MACF1: variants seen among roughly 807,000 people sequenced by gnomAD.
The protein encoded by MACF1 is microtubule-actin cross-linking factor 1.
A neutral mutation model predicts 854.8 loss-of-function variants in MACF1; 193 were observed. That is an observed-to-expected ratio of 0.23 (90% CI 0.20 to 0.25). The LOEUF (loss-of-function observed/expected upper bound fraction) is 0.25. MACF1 is among the 10% of genes least tolerant of loss of function. The pLI is 1.00. For synonymous variants in MACF1, 3,185 were observed against 3,226.7 expected (o/e 0.99, Z 0.44); for missense variants, 7,722 against 8,929.1 (o/e 0.86, Z 5.45).
intron 72 of MACF1, 90 bp downstream of exon 72, chr1:39,439,590 G>T: frequency 9.9e-7 from 1 of 1,014,642 alleles, no homozygotes. Flanking sequence ...TAACTGCTTA[G>T]CCAGGCTGAG....
At position 39,337,313 on chromosome 1, in the gene MACF1, T is replaced by A. The variant is rs1191392056; in HGVS notation, c.10197T>A (p.Asp3399Glu). 6.2e-7 allele frequency: 1 copy of A among 1,614,032 alleles called. No individual in the cohort carries two copies. The highest frequency in any genetic ancestry group is 8.5e-7 in the Non-Finnish European group (1 of 1,179,962). The change falls in exon 38 of 101, where the codon GAT (aspartate) becomes GAA (glutamate). Residue 3399 changes from aspartate to glutamate, a missense_variant. By Grantham distance (45) the Asp-to-Glu change is conservative. Transcript: ENST00000564288. ...PLELNLAELQDLLCQAKVLER... is the reference protein window; with the variant it reads ...PLELNLAELQELLCQAKVLER... ...AGCTAAACCTGGCAGAACTACAGGA[T>A]CTGCTGTGTCAGGCCAAGGTAGGTT... is the stretch of plus-strand genomic sequence containing the variant.
chr1:39,425,301 A>G (rs1439629420), intron 61 of MACF1, among the ~76,000 whole-genome samples: 2 of 152,138 alleles, frequency 1.3e-5, no homozygotes, highest in African/African-American at 4.8e-5. Flanking sequence ...CTAGGTGTAT[A>G]GAGATAGCTT....
chr1:39,231,552 T>C (rs541289769), intron 2 of MACF1, among the ~76,000 whole-genome samples: 1 of 152,188 alleles, frequency 6.6e-6, no homozygotes, highest in Non-Finnish European at 1.5e-5. Context: ...GCATGGAAAC[T>C]TGTATTAATC....
chr1:39,424,506 G>C (rs1557647365), intron 61 of MACF1, among the ~76,000 whole-genome samples: 1 of 152,104 alleles, frequency 6.6e-6, no homozygotes, highest in Non-Finnish European at 1.5e-5. Context: ...TATTTTCTGA[G>C]TTTTTCAAAC....
At chr1:39,277,618 CT>C (rs1051189425) in intron 6 of MACF1, among the ~76,000 whole-genome samples, 3 of 152,108 alleles carry the variant, frequency 2.0e-5, no homozygotes, top group African/African-American at 7.2e-5. Flanking sequence ...AGCATGTCTT[CT>C]TTTTTTGTTT....
intron 80 of MACF1, among the ~76,000 whole-genome samples, chr1:39,446,285 T>C (rs1644228302): frequency 6.7e-6 from 1 of 149,876 alleles, no homozygotes; most frequent in South Asian, 2.1e-4. Flanking sequence ...ATAAATTAGA[T>C]ATAAAAGTAT....
intron 2 of MACF1, among the ~76,000 whole-genome samples, chr1:39,138,898 C>T (rs1352770952): frequency 2.0e-5 from 3 of 152,124 alleles, no homozygotes; most frequent in African/African-American, 7.2e-5. Context: ...CTCCTGACCT[C>T]AGGTGATCCA....
Position 39,422,515 on chromosome 1 carries a change from T to C in MACF1, c.15958T>C (p.Trp5320Arg), listed in dbSNP as rs1215819714. The C allele has an allele frequency of 6.2e-7, 1 of 1,611,942 alleles. No individual in the cohort carries two copies. The highest frequency in any genetic ancestry group is 8.5e-7 in the Non-Finnish European group (1 of 1,178,766). Residue 5320 changes from tryptophan (W) to arginine (R), a missense_variant, in exon 59 of 101, where the codon TGG becomes CGG. Trp to Arg is a moderately radical substitution (Grantham distance 101, BLOSUM62 -3). Coordinates refer to ENST00000564288, the MANE Select transcript of MACF1 (RefSeq NM_001394062.1). The stretch of plus-strand genomic sequence containing the variant: ...TGACATGGAAGAGATCAATGCTCGA[T>C]GGAATACATTGAATAAAAAGGTGAG... ...EHDMEEINAR[W>R]NTLNKKVAQR...
chr1:39,344,357 G>A (rs1293108834), intron 40 of MACF1, among the ~76,000 whole-genome samples: 14 of 151,810 alleles, frequency 9.2e-5, no homozygotes, highest in Admixed American at 4.6e-4. Context: ...GCTTGAACCC[G>A]GGAGGTGGAG....
intron 6 of MACF1, among the ~76,000 whole-genome samples, chr1:39,271,902 A>G (rs1443985485): frequency 2.0e-5 from 3 of 152,228 alleles, no homozygotes; most frequent in Non-Finnish European, 2.9e-5. Context: ...AAAGATTGTT[A>G]GGAGAAACCT....
rs1015052596 is a variant in MACF1, at chr1:39,156,218, A to G, written c.220+71780A>G. Among the ~76,000 whole-genome samples, 18 of 151,980 alleles carry G rather than the reference A, an allele frequency of 1.2e-4. No homozygotes were observed. The South Asian group carries it at 1.5e-3, about 12-fold the overall frequency. On this transcript the variant is annotated intron_variant, in intron 2 of 93. Coordinates refer to the MACF1 transcript ENST00000361689. ...GAGATGGGGTTTCACCATGTTGGCC[A>G]GGCTGGTCTCGAACTCCTGACCTCA... is the stretch of plus-strand genomic sequence containing the variant.
chr1:39,456,007 A>G (rs1007767679), intron 89 of MACF1, among the ~76,000 whole-genome samples: 1 of 152,178 alleles, frequency 6.6e-6, no homozygotes, highest in Non-Finnish European at 1.5e-5. Flanking sequence ...CAACTTTATC[A>G]TGGTTCAAAG....
At chr1:39,443,644 ATAAT>A (rs1397004998) in intron 79 of MACF1, 70 bp downstream of exon 79, 26 of 1,435,062 alleles carry the variant, frequency 1.8e-5, no homozygotes, top group Non-Finnish European at 2.3e-5. Context: ...GTTCACAGTC[ATAAT>A]TAATATGTAT....
intron 20 of MACF1, among the ~76,000 whole-genome samples, chr1:39,296,820 AAGGAAGGAAGGAAGGAAGGAAGGAAAAG>A (rs1645925082): frequency 8.7e-6 from 1 of 115,238 alleles, no homozygotes; most frequent in African/African-American, 5.6e-5. Context: ...GAAAGGAAGG[AAGGAAGGAAGGAAGGAAGGAAGGAAAAG>A]AAAGAAAGAG....
chr1:39,363,114 C>G (rs529686820), intron 49 of MACF1, among the ~76,000 whole-genome samples: 11 of 152,184 alleles, frequency 7.2e-5, no homozygotes, highest in African/African-American at 2.2e-4. Flanking sequence ...GTACTGTGTT[C>G]AAAAATTACC....
At chr1:39,389,342 T>G (rs112421123) in intron 58 of MACF1, among the ~76,000 whole-genome samples, 7,711 of 144,144 alleles carry the variant, frequency 0.053, 273 homozygotes, top group African/African-American at 0.096. Flanking sequence ...AGGTCTCTGG[T>G]TTTTGTGTGT....
At chr1:39,451,827 T>C (rs1431051350) in intron 85 of MACF1, among the ~76,000 whole-genome samples, 3 of 152,206 alleles carry the variant, frequency 2.0e-5, no homozygotes, top group African/African-American at 7.2e-5. Flanking sequence ...CCTAAATGCC[T>C]GAGCTAGCAT....
intron 2 of MACF1, among the ~76,000 whole-genome samples, chr1:39,159,754 G>C (rs908543513): frequency 2.0e-5 from 3 of 152,098 alleles, no homozygotes; most frequent in Non-Finnish European, 4.4e-5. Context: ...TCCATTTGCA[G>C]AGGAGGGTGC....
intron 40 of MACF1, among the ~76,000 whole-genome samples, chr1:39,345,492 T>C (rs1380392488): frequency 6.6e-6 from 1 of 151,942 alleles, no homozygotes; most frequent in Non-Finnish European, 1.5e-5. Flanking sequence ...ACACGTGTGG[T>C]CCCAGCTACT....
Sources: allele counts gnomAD v4.1 joint callset (sites outside exome capture counted in the v4.1 genomes callset), GRCh38; gene constraint gnomAD v4.1.1; transcripts MANE v1.5; gene names NCBI Gene and HGNC (gene_info 2026-07-23, HGNC 2026-07-21).